RAB30: variants seen among roughly 807,000 people sequenced by gnomAD.
RAB30 encodes ras-related protein Rab-30.
In RAB30, 9 loss-of-function variants were observed where a neutral mutation model predicts 25.1. The observed-to-expected ratio is 0.36, with a 90% confidence interval of 0.22 to 0.63. The LOEUF (loss-of-function observed/expected upper bound fraction) is 0.63. Ranked by LOEUF, RAB30 falls within the 20% of genes least tolerant of loss-of-function variation. RAB30 has a pLI of 0.69. For synonymous variants in RAB30, 77 were observed against 86.4 expected (o/e 0.89, Z 0.60); for missense variants, 140 against 243.5 (o/e 0.58, Z 2.83).
intron 1 of RAB30, among the ~76,000 whole-genome samples, chr11:83,026,190 C>CA (rs913776625): frequency 4.0e-5 from 6 of 150,440 alleles, no homozygotes; most frequent in Admixed American, 2.0e-4. Context: ...GACCCTGTCT[C>CA]AAAAAAAAGA....
chr11:83,066,818 TG>T (rs1452508730), intron 1 of RAB30, among the ~76,000 whole-genome samples: 2 of 152,180 alleles, frequency 1.3e-5, no homozygotes, highest in African/African-American at 2.4e-5. Context: ...ACCCAAAGTG[TG>T]GGGATTACAG....
rs1317241636 is a variant in RAB30 at position 82,981,638 on chromosome 11, T to C, written c.*527A>G. The stretch of plus-strand genomic sequence containing the variant: ...TTTCATTTTTACATCCCAAAGTTCT[T>C]GAAAGTGCCTGTGGACAAGAGAAAT... On this transcript the variant is annotated 3_prime_UTR_variant, in exon 5 of 5. Coordinates refer to ENST00000527633, the MANE Select transcript of RAB30 (RefSeq NM_001286060.2). 1 of 153,222 alleles carries C rather than the reference T, an allele frequency of 6.5e-6. No homozygotes were observed. Among genetic ancestry groups the C allele is most frequent in the Non-Finnish European group, 1.5e-5 (1 of 68,536 alleles). The allele number at this position is 153,222 out of a possible 1,614,324, so 9.5% of individuals were successfully genotyped here.
chr11:83,047,748 A>G (rs1362958288), intron 1 of RAB30, among the ~76,000 whole-genome samples: 1 of 151,980 alleles, frequency 6.6e-6, no homozygotes, highest in Non-Finnish European at 1.5e-5. Flanking sequence ...TTGCTGATTC[A>G]AAGGATTTTT....
chr11:83,065,903 A>AT (rs1412592126), intron 1 of RAB30, among the ~76,000 whole-genome samples: 1 of 152,192 alleles, frequency 6.6e-6, no homozygotes, highest in East Asian at 1.9e-4. Context: ...AAATATGTGC[A>AT]TGTACGTATG....
intron 1 of RAB30, among the ~76,000 whole-genome samples, chr11:82,998,857 A>G (rs1011594405): frequency 6.6e-6 from 1 of 152,148 alleles, no homozygotes; most frequent in African/African-American, 2.4e-5. Flanking sequence ...GGGTGCTGGG[A>G]GATAGGAAAG....
intron 1 of RAB30, among the ~76,000 whole-genome samples, chr11:83,055,358 C>A (rs1431762193): frequency 6.6e-6 from 1 of 152,238 alleles, no homozygotes; most frequent in Non-Finnish European, 1.5e-5. Flanking sequence ...GGGACACCCA[C>A]AATTATAGAA....
chr11:82,993,993 C>T, intron 3 of RAB30, 46 bp downstream of exon 3: 1 of 1,443,462 alleles, frequency 6.9e-7, no homozygotes. Flanking sequence ...TTCCCCTAAC[C>T]TCTCACATAG....
At chr11:82,992,693 C>G (rs1856876696) in intron 3 of RAB30, among the ~76,000 whole-genome samples, 1 of 151,304 alleles carries the variant, frequency 6.6e-6, no homozygotes, top group Non-Finnish European at 1.5e-5. Context: ...TTCTTTCCAT[C>G]CCTCCCCCAG....
chr11:83,059,149 C>T (rs1776933309), intron 1 of RAB30, among the ~76,000 whole-genome samples: 1 of 152,054 alleles, frequency 6.6e-6, no homozygotes, highest in African/African-American at 2.4e-5. Flanking sequence ...GCCATGATGC[C>T]TAAACTGGTC....
At chr11:83,002,849 C>T (rs1184547306) in intron 1 of RAB30, among the ~76,000 whole-genome samples, 3 of 152,200 alleles carry the variant, frequency 2.0e-5, no homozygotes, top group African/African-American at 4.8e-5. Flanking sequence ...CACACCTGTG[C>T]ATTTTTCCTC....
intron 1 of RAB30, among the ~76,000 whole-genome samples, chr11:83,057,323 C>T (rs577058838): frequency 6.6e-6 from 1 of 151,872 alleles, no homozygotes; most frequent in South Asian, 2.1e-4. Flanking sequence ...ATATTTTAAT[C>T]TCTCTCAAAA....
intron 1 of RAB30, among the ~76,000 whole-genome samples, chr11:83,026,817 A>T (rs1590861761): frequency 3.3e-5 from 1 of 30,214 alleles, no homozygotes; most frequent in East Asian, 4.7e-4. Flanking sequence ...ATTTTTATTA[A>T]AAAAAACCTT....
At chr11:83,064,699 C>G (rs17505158) in intron 1 of RAB30, among the ~76,000 whole-genome samples, 32,907 of 152,136 alleles carry the variant, frequency 0.22, 4,235 homozygotes, top group Admixed American at 0.28. Context: ...TTGATGTGTT[C>G]TAGCTTTGCT....
At chr11:83,069,453 T>C (rs1858781933) in intron 1 of RAB30, among the ~76,000 whole-genome samples, 2 of 152,160 alleles carry the variant, frequency 1.3e-5, no homozygotes, top group South Asian at 4.1e-4. Flanking sequence ...CAAACTTCTT[T>C]CCTGCACAGA....
At chr11:82,986,735 G>A (rs940916704) in intron 4 of RAB30, among the ~76,000 whole-genome samples, 1 of 152,192 alleles carries the variant, frequency 6.6e-6, no homozygotes, top group South Asian at 2.1e-4. Flanking sequence ...GTGGTTTCCT[G>A]ATCTGTAAAT....
intron 1 of RAB30, among the ~76,000 whole-genome samples, chr11:83,004,133 T>C (rs1211615209): frequency 6.6e-6 from 1 of 152,242 alleles, no homozygotes; most frequent in Non-Finnish European, 1.5e-5. Context: ...ACCTTTTATA[T>C]ATGCCTTGCT....
At chr11:83,027,495 G>A (rs1857751597) in intron 1 of RAB30, among the ~76,000 whole-genome samples, 1 of 152,084 alleles carries the variant, frequency 6.6e-6, no homozygotes, top group Admixed American at 6.6e-5. Context: ...CCTGAAGATG[G>A]TAACATCAGG....
chr11:83,033,184 C>T (rs893788972), intron 1 of RAB30, among the ~76,000 whole-genome samples: 9 of 151,178 alleles, frequency 6.0e-5, no homozygotes, highest in African/African-American at 2.2e-4. Flanking sequence ...CCTGCCTCAG[C>T]CTCCGGAGTA....
At chr11:82,991,037 C>A (rs963675267) in intron 3 of RAB30, among the ~76,000 whole-genome samples, 1 of 152,144 alleles carries the variant, frequency 6.6e-6, no homozygotes, top group Non-Finnish European at 1.5e-5. Context: ...GTAGAGGACA[C>A]TGATGAGGGT....
Sources: allele counts gnomAD v4.1 joint callset (sites outside exome capture counted in the v4.1 genomes callset), GRCh38; gene constraint gnomAD v4.1.1; transcripts MANE v1.5; gene names NCBI Gene and HGNC (gene_info 2026-07-23, HGNC 2026-07-21).